SOX6: variants seen among roughly 807,000 people sequenced by gnomAD.
The protein encoded by SOX6 is transcription factor SOX-6.
In SOX6, 11 loss-of-function variants were observed where a neutral mutation model predicts 97.8. That is an observed-to-expected ratio of 0.11 (90% CI 0.07 to 0.19). The LOEUF (loss-of-function observed/expected upper bound fraction) is 0.19, where lower values mean the gene tolerates loss of function less well. Ranked by LOEUF, SOX6 falls within the 10% of genes least tolerant of loss-of-function variation. The pLI is 1.00. For missense variants in SOX6, 810 were observed against 1,039.5 expected, an observed-to-expected ratio of 0.78 and a Z score of 3.04; for synonymous variants, 360 against 371.4, an observed-to-expected ratio of 0.97 and a Z score of 0.35.
intron 3 of SOX6, among the ~76,000 whole-genome samples, chr11:16,258,836 C>CAA (rs1853781153): frequency 6.6e-6 from 1 of 151,350 alleles, no homozygotes; most frequent in South Asian, 2.1e-4. Context: ...TATATACACA[C>CAA]ACACACACAT....
intron 1 of SOX6, among the ~76,000 whole-genome samples, chr11:16,416,463 A>C (rs530412223): frequency 2.0e-5 from 3 of 152,300 alleles, no homozygotes; most frequent in African/African-American, 7.2e-5. Flanking sequence ...AGATTTGGAA[A>C]ACTGAATACT....
chr11:16,406,044 T>A (rs961700759), intron 1 of SOX6, among the ~76,000 whole-genome samples: 2 of 152,046 alleles, frequency 1.3e-5, no homozygotes, highest in Non-Finnish European at 2.9e-5. Flanking sequence ...ATGGACTAAA[T>A]CGTTCTGTGC....
At chr11:16,414,418 G>T (rs375690208) in intron 1 of SOX6, among the ~76,000 whole-genome samples, 1 of 152,182 alleles carries the variant, frequency 6.6e-6, no homozygotes, top group East Asian at 1.9e-4. Context: ...TGCAAATTTG[G>T]TAAATTATGA....
chr11:16,636,732 G>T (rs1480436891), intron 3 of SOX6, among the ~76,000 whole-genome samples: 2 of 152,096 alleles, frequency 1.3e-5, no homozygotes, highest in African/African-American at 2.4e-5. Context: ...GAATCATGGG[G>T]GCAGTTGCCT....
At chr11:16,719,281 G>A (rs914418906) in intron 2 of SOX6, among the ~76,000 whole-genome samples, 7 of 152,100 alleles carry the variant, frequency 4.6e-5, no homozygotes, top group South Asian at 4.1e-4. Context: ...AATCATTTGC[G>A]TTGTTATGGG....
intron 6 of SOX6, among the ~76,000 whole-genome samples, chr11:16,159,626 C>A (rs1349845416): frequency 6.6e-6 from 1 of 152,054 alleles, no homozygotes; most frequent in Admixed American, 6.6e-5. Context: ...AACCTAATAA[C>A]TATGCACACA....
In SOX6 at chr11:16,639,874, C is replaced by T. The variant is rs560329823; in HGVS notation, n.430-27614G>A. Among the ~76,000 whole-genome samples, 366 of 152,234 alleles carry T rather than the reference C, an allele frequency of 2.4e-3. 2 individuals carry two copies. The highest frequency in any genetic ancestry group is 8.6e-3 in the African/African-American group (356 of 41,526). On this transcript the variant is annotated intron_variant and non_coding_transcript_variant, in intron 3 of 5. Transcript: ENST00000524520. Reference sequence around the variant, plus strand: ...CTGCAAACAGGGACAATTTGACTTCCTCTTTTCCTAATTGAATACCCTTTA... The same window carrying T: ...CTGCAAACAGGGACAATTTGACTTCTTCTTTTCCTAATTGAATACCCTTTA...
intron 13 of SOX6, 21 bp from the exon 14 acceptor site, chr11:15,989,251 G>A: frequency 6.4e-7 from 1 of 1,567,754 alleles, no homozygotes; most frequent in Non-Finnish European, 8.7e-7. Context: ...AGGGCAGGAA[G>A]AACAAGATGA....
At chr11:16,125,844 A>AAGGAAGGAAGG (rs1564968075) in intron 6 of SOX6, among the ~76,000 whole-genome samples, 1 of 150,608 alleles carries the variant, frequency 6.6e-6, no homozygotes, top group Non-Finnish European at 1.5e-5. Flanking sequence ...GGAAGGAAGG[A>AAGGAAGGAAGG]AGGAAGGAAG....
At chr11:16,504,364 C>G (rs1272438253) in intron 4 of SOX6, among the ~76,000 whole-genome samples, 1 of 152,072 alleles carries the variant, frequency 6.6e-6, no homozygotes, top group African/African-American at 2.4e-5. Context: ...ACCAAAAACT[C>G]TTACATCTGA....
intron 1 of SOX6, among the ~76,000 whole-genome samples, chr11:16,467,919 T>C (rs1309759905): frequency 1.3e-5 from 2 of 152,248 alleles, no homozygotes; most frequent in Non-Finnish European, 2.9e-5. Flanking sequence ...ACCACTAAGC[T>C]TAAATAATGG....
intron 4 of SOX6, among the ~76,000 whole-genome samples, chr11:16,519,500 A>G (rs566577123): frequency 2.4e-4 from 37 of 152,198 alleles, no homozygotes; most frequent in African/African-American, 8.7e-4. Flanking sequence ...ATCTAGTTCC[A>G]TCGATGTTGC....
At chr11:16,211,881 G>A (rs1590032994) in intron 4 of SOX6, among the ~76,000 whole-genome samples, 1 of 152,256 alleles carries the variant, frequency 6.6e-6, no homozygotes, top group East Asian at 1.9e-4. Context: ...AATCAAAGTT[G>A]ATTTCCAGGT....
intron 1 of SOX6, among the ~76,000 whole-genome samples, chr11:16,376,298 A>G (rs1418048766): frequency 6.6e-6 from 1 of 152,126 alleles, no homozygotes; most frequent in African/African-American, 2.4e-5. Flanking sequence ...GCTTAAGGTC[A>G]ATATTAAAAT....
intron 4 of SOX6, among the ~76,000 whole-genome samples, chr11:16,577,749 T>A (rs1589992639): frequency 6.6e-6 from 1 of 152,212 alleles, no homozygotes; most frequent in Admixed American, 6.5e-5. Context: ...CTGATTCAAA[T>A]CCTTTGCTTT....
chr11:16,713,458 G>C (rs1848195943), intron 3 of SOX6, among the ~76,000 whole-genome samples: 1 of 151,932 alleles, frequency 6.6e-6, no homozygotes, highest in South Asian at 2.1e-4. Context: ...CCTGCTTAGA[G>C]AAATCATACA....
chr11:16,371,304 C>T (rs1857488988), intron 1 of SOX6, among the ~76,000 whole-genome samples: 1 of 152,028 alleles, frequency 6.6e-6, no homozygotes, highest in African/African-American at 2.4e-5. Context: ...TCTTTTACCT[C>T]AAGTTTTTAG....
intron 4 of SOX6, among the ~76,000 whole-genome samples, chr11:16,504,981 AT>A (rs1274966502): frequency 6.6e-6 from 1 of 152,200 alleles, no homozygotes; most frequent in Non-Finnish European, 1.5e-5. Flanking sequence ...AGTTTCAGGT[AT>A]TTCTTTACAG....
chr11:16,661,848 C>T (rs893402613), intron 3 of SOX6, among the ~76,000 whole-genome samples: 1 of 152,084 alleles, frequency 6.6e-6, no homozygotes, highest in African/African-American at 2.4e-5. Flanking sequence ...GGCTCTAGTC[C>T]TAATTGAGCA....
Sources: gnomAD v4.1 joint callset for allele counts (sites outside exome capture counted in the v4.1 genomes callset) on GRCh38, gnomAD v4.1.1 for gene constraint, MANE v1.5 for transcripts, NCBI Gene and HGNC (gene_info 2026-07-23, HGNC 2026-07-21) for gene names.